AARS1: variants seen among roughly 807,000 people sequenced by gnomAD.
AARS1 encodes alanyl-tRNA synthetase 1, also known as alanine--tRNA ligase, cytoplasmic.
In AARS1, 72 loss-of-function variants were observed where a neutral mutation model predicts 108.9. That is an observed-to-expected ratio of 0.66 (90% CI 0.55 to 0.80). The LOEUF (loss-of-function observed/expected upper bound fraction) is 0.80, where lower values mean the gene tolerates loss of function less well. Among genes scored for constraint, AARS1 ranks in the 30% least tolerant of loss-of-function variants. The pLI is 0.00. For synonymous variants in AARS1, 489 were observed against 465.7 expected, an observed-to-expected ratio of 1.05 and a Z score of -0.64; for missense variants, 1,193 against 1,233.2, an observed-to-expected ratio of 0.97 and a Z score of 0.49.
rs946837808 is a variant in AARS1, at chr16:70,255,194, ATTTTTTTTTTTTT to A, written c.2287-473_2287-461del. 2.9e-5 allele frequency among the ~76,000 whole-genome samples: 3 copies of A among 104,272 alleles called. No homozygotes were observed. The South Asian group carries it at 9.0e-4, about 31-fold the overall frequency. 68.4% of individuals were successfully genotyped at this position (104,272 alleles called of 152,430 possible). On this transcript the variant is annotated intron_variant, in intron 16 of 20. Transcript: ENST00000261772. ...GGAGGGGGTAGATGGCCAGATTCACATTTTTTTTTTTTTTTTTTTTTTGGAGACGGAGTCTCGC... is the reference window on the plus strand; with the variant it reads ...GGAGGGGGTAGATGGCCAGATTCACATTTTTTTTTGGAGACGGAGTCTCGC...
At chr16:70,286,499 T>C (rs1960844307) in intron 1 of AARS1, among the ~76,000 whole-genome samples, 1 of 151,702 alleles carries the variant, frequency 6.6e-6, no homozygotes, top group South Asian at 2.1e-4. Context: ...TAGCTAGGAC[T>C]ACAGGCATGT....
At chr16:70,269,322 G>GAAAA (rs56394253) in intron 7 of AARS1, among the ~76,000 whole-genome samples, 28 of 64,266 alleles carry the variant, frequency 4.4e-4, no homozygotes, top group African/African-American at 5.9e-4. Context: ...TTCTGTCTCA[G>GAAAA]AAAAAAAAAA....
rs933667996 is a variant in AARS1 at position 70,270,474 on chromosome 16, AGAGGGAAGTG to A, written c.672-144_672-135del. On this transcript the variant is annotated intron_variant, in intron 5 of 20. Coordinates refer to ENST00000261772, the MANE Select transcript of AARS1 (RefSeq NM_001605.3). ...CTGCCATTTGCCCGGTTTGGTGGGA[AGAGGGAAGTG>A]GAGGGAGAAAGGAAGGAGAAAGGAA... 9.9e-5 allele frequency: 108 copies of A among 1,088,686 alleles called. No individual in the cohort carries two copies. The African/African-American group carries it at 1.5e-3, about 15-fold the overall frequency. 67.4% of individuals were successfully genotyped at this position (1,088,686 alleles called of 1,614,324 possible). A position where few individuals can be genotyped will look rare whatever the true frequency, so the allele number is the denominator to read the frequency against.
chr16:70,254,045 C>A lies in AARS1; in HGVS notation c.2401-7G>T. 6.2e-7 allele frequency: 1 copy of A among 1,613,872 alleles called. No homozygotes were observed. ...TGACTGCAGTGGCCAGGGCCTGGAA[C>A]CAATAGACGACCATCTCAATCTGGG... On this transcript the variant is annotated splice_polypyrimidine_tract_variant and splice_region_variant and intron_variant, in intron 17 of 20. Transcript: ENST00000261772.
chr16:70,252,902 G>C lies in AARS1; in HGVS notation c.2726C>G (p.Ala909Gly). 1 of 1,614,162 alleles carries C rather than the reference G, an allele frequency of 6.2e-7. No individual in the cohort carries two copies. The highest frequency in any genetic ancestry group is 8.5e-7 in the Non-Finnish European group (1 of 1,180,008). Residue 909 changes from alanine (A) to glycine (G), a missense_variant, in exon 21 of 21, where the codon GCA becomes GGA. By Grantham distance (60) the Ala-to-Gly change is moderately conservative. Coordinates refer to ENST00000261772, the MANE Select transcript of AARS1 (RefSeq NM_001605.3). ...GCTGGCTTTTAAGCCCCGATTGGCT[G>C]CATTCTAGAAGACAGGAAGGGAAGG... is the stretch of plus-strand genomic sequence containing the variant. ...ITCLCQVPQNAANRGLKASEW... is the reference protein window; with the variant it reads ...ITCLCQVPQNGANRGLKASEW...
At chr16:70,259,691 C>T (rs1960087332) in intron 13 of AARS1, among the ~76,000 whole-genome samples, 1 of 151,886 alleles carries the variant, frequency 6.6e-6, no homozygotes. Context: ...CATGTTGTTG[C>T]CCAGGCTGGG....
chr16:70,276,326 C>G, intron 4 of AARS1, 160 bp downstream of exon 4: 1 of 773,590 alleles, frequency 1.3e-6, no homozygotes, highest in South Asian at 1.5e-5. Flanking sequence ...CCTCCACCTC[C>G]TGGGTTCAAG....
intron 11 of AARS1, among the ~76,000 whole-genome samples, chr16:70,264,622 T>G (rs746866543): frequency 3.3e-5 from 5 of 152,234 alleles, no homozygotes; most frequent in African/African-American, 4.8e-5. Context: ...AGGCCCCTAA[T>G]AGCATTCTGA....
Position 70,254,741 on chromosome 16 carries a change from G to C in AARS1, c.2287-7C>G, listed in dbSNP as rs534633233. On this transcript the variant is annotated splice_polypyrimidine_tract_variant and splice_region_variant and intron_variant, in intron 16 of 20. Coordinates refer to ENST00000261772, the MANE Select transcript of AARS1 (RefSeq NM_001605.3). The stretch of plus-strand genomic sequence containing the variant: ...TCTCTGCTTTCCTGAGGGCCTGGGA[G>C]GGGACACCGGGTCAACCCCAAGCAG... 6.3e-7 allele frequency: 1 copy of C among 1,585,944 alleles called. No homozygotes were observed. Among genetic ancestry groups the C allele is most frequent in the Admixed American group, 1.7e-5 (1 of 59,926 alleles).
chr16:70,279,624 C>G (rs916477242), intron 2 of AARS1, among the ~76,000 whole-genome samples: 4 of 147,194 alleles, frequency 2.7e-5, no homozygotes, highest in East Asian at 2.0e-4. Context: ...TTCACCATTG[C>G]ACTCCAGCCT....
rs1489456379 is a variant in AARS1 at position 70,282,600 on chromosome 16, A to G, written c.144+20T>C. 8 of 1,613,954 alleles carry G rather than the reference A, an allele frequency of 5.0e-6. No individual in the cohort carries two copies. Among genetic ancestry groups the G allele is most frequent in the Non-Finnish European group, 6.8e-6 (8 of 1,179,952 alleles). On this transcript the variant is annotated intron_variant, in intron 2 of 20. Transcript: ENST00000261772. ...CCTCTTATGTGAACCAAAAGCCAAG[A>G]AAAAAGGAAAAACCCTTACCTGGTT...
At chr16:70,263,716 C>T (rs897113451) in intron 11 of AARS1, among the ~76,000 whole-genome samples, 1 of 152,034 alleles carries the variant, frequency 6.6e-6, no homozygotes, top group African/African-American at 2.4e-5. Flanking sequence ...CTGACTGCAG[C>T]CTCTCAATCT....
rs745911016 is a variant in AARS1 at position 70,276,438 on chromosome 16, G to C, written c.479+48C>G. The stretch of plus-strand genomic sequence containing the variant: ...TCATAAAACCCCACTCTGGCACTGA[G>C]TGTCATTTCACTCCTCCATACTCTC... On this transcript the variant is annotated intron_variant, in intron 4 of 20. Transcript: ENST00000261772. The C allele has an allele frequency of 1.6e-5, 25 of 1,606,328 alleles. No homozygotes were observed. The South Asian group carries it at 2.8e-4, about 18-fold the overall frequency.
rs1329271301 is a variant in AARS1 at position 70,254,030 on chromosome 16, G to A, written c.2409C>T (p.Ala803=). The change falls in exon 18 of 21, where the codon GCC becomes GCT. Residue 803 remains alanine (A), a synonymous_variant. Transcript: ENST00000261772. ...REIADLGEAL[A]TAVIPQWQKD... is the part of the protein sequence containing the mutation. ...TCTGCCACTGGGGGATGACTGCAGT[G>A]GCCAGGGCCTGGAACCAATAGACGA... 24 of 1,613,988 alleles carry A rather than the reference G, an allele frequency of 1.5e-5. No homozygotes were observed. Among genetic ancestry groups the A allele is most frequent in the Non-Finnish European group, 1.9e-5 (23 of 1,180,032 alleles).
At chr16:70,276,349 C>G (rs1172157938) in intron 4 of AARS1, 137 bp downstream of exon 4, 1 of 985,892 alleles carries the variant, frequency 1.0e-6, no homozygotes, top group African/African-American at 1.6e-5. Flanking sequence ...ATTCTCTAGC[C>G]TCACTCCTCC....
chr16:70,262,996 A>AAAC (rs1447136751), intron 11 of AARS1, among the ~76,000 whole-genome samples: 1,976 of 128,810 alleles, frequency 0.015, 71 homozygotes, highest in African/African-American at 0.019. Flanking sequence ...AAAAAAAAAA[A>AAAC]AACAACAACA....
chr16:70,279,112 G>C (rs957988380), intron 2 of AARS1, among the ~76,000 whole-genome samples: 1 of 152,100 alleles, frequency 6.6e-6, no homozygotes, highest in African/African-American at 2.4e-5. Context: ...AGCACTTTGT[G>C]GGGCCGAACC....
chr16:70,265,500 A>T, intron 10 of AARS1, 38 bp downstream of exon 10: 2 of 1,613,098 alleles, frequency 1.2e-6, no homozygotes, highest in Non-Finnish European at 1.7e-6. Flanking sequence ...CTGGGTTGGA[A>T]GGTGTTGGGT....
At chr16:70,264,419 C>T (rs567386504) in intron 11 of AARS1, among the ~76,000 whole-genome samples, 16 of 151,722 alleles carry the variant, frequency 1.1e-4, no homozygotes, top group African/African-American at 2.4e-4. Context: ...CAGGTTCAGG[C>T]GATTCTCCTG....
Sources: allele counts gnomAD v4.1 joint callset (sites outside exome capture counted in the v4.1 genomes callset), GRCh38; gene constraint gnomAD v4.1.1; transcripts MANE v1.5; gene names NCBI Gene and HGNC (gene_info 2026-07-23, HGNC 2026-07-21).